KAT7: variants seen among roughly 807,000 people sequenced by gnomAD.
The protein encoded by KAT7 is lysine acetyltransferase 7.
A neutral mutation model predicts 82.1 loss-of-function variants in KAT7; 10 were observed. That is an observed-to-expected ratio of 0.12 (90% CI 0.08 to 0.21). The LOEUF (loss-of-function observed/expected upper bound fraction) is 0.21. KAT7 is among the 10% of genes least tolerant of loss of function. The pLI is 1.00. For synonymous variants in KAT7, 250 were observed against 262.5 expected (o/e 0.95, Z 0.46); for missense variants, 378 against 760.9 (o/e 0.50, Z 5.92).
intron 7 of KAT7, among the ~76,000 whole-genome samples, chr17:49,812,777 C>T (rs538175944): frequency 1.3e-5 from 2 of 152,182 alleles, no homozygotes; most frequent in Non-Finnish European, 2.9e-5. Context: ...GATCTTGGCT[C>T]ACTGTAACCT....
chr17:49,801,404 T>G (rs2074023121), intron 4 of KAT7, among the ~76,000 whole-genome samples: 1 of 152,200 alleles, frequency 6.6e-6, no homozygotes, highest in Non-Finnish European at 1.5e-5. Flanking sequence ...TAGGCTGGTC[T>G]CAAACTCTTG....
chr17:49,802,039 T>C (rs944849123), intron 4 of KAT7, among the ~76,000 whole-genome samples: 14 of 152,138 alleles, frequency 9.2e-5, no homozygotes, highest in African/African-American at 3.1e-4. Flanking sequence ...AAACGGAAAA[T>C]AGGATACATT....
chr17:49,798,970 T>C (rs1334216959), intron 4 of KAT7, among the ~76,000 whole-genome samples: 1 of 152,232 alleles, frequency 6.6e-6, no homozygotes, highest in East Asian at 1.9e-4. Flanking sequence ...AAACATTTCC[T>C]GTCAAGAGGC....
intron 13 of KAT7, chr17:49,826,377 C>A: frequency 2.0e-6 from 1 of 510,406 alleles, no homozygotes; most frequent in Non-Finnish European, 3.5e-6. Flanking sequence ...AGTCAAGAAG[C>A]AAAACTTCAG....
chr17:49,822,536 C>T (rs1815081589), intron 11 of KAT7, among the ~76,000 whole-genome samples: 1 of 152,106 alleles, frequency 6.6e-6, no homozygotes. Flanking sequence ...CGGCCTAAGT[C>T]ATAAAAGTTT....
rs2074452054 is a variant in KAT7 at position 49,835,014 on chromosome 17, AAAAT to A, written c.*7516_*7519del. 1 of 152,200 alleles carries A rather than the reference AAAAT, an allele frequency of 6.6e-6. No homozygotes were observed. The highest frequency in any genetic ancestry group is 1.5e-5 in the Non-Finnish European group (1 of 68,042). 9.4% of individuals were successfully genotyped at this position (152,200 alleles called of 1,614,324 possible). A position where few individuals can be genotyped will look rare whatever the true frequency, so the allele number is the denominator to read the frequency against. On this transcript the variant is annotated 3_prime_UTR_variant, in exon 15 of 15. Transcript: ENST00000259021. ...GCAAGACCCTGTCTCAAAAAATAAA[AAAAT>A]AAAGATAATACCAGTATGTTTCTTG... is the stretch of plus-strand genomic sequence containing the variant.
Position 49,830,439 on chromosome 17 carries a change from C to T in KAT7, c.*2937C>T, listed in dbSNP as rs943608644. The T allele has an allele frequency of 1.3e-4, 19 of 150,218 alleles. No homozygotes were observed. The highest frequency in any genetic ancestry group is 4.4e-4 in the African/African-American group (18 of 40,728). 9.3% of individuals were successfully genotyped at this position (150,218 alleles called of 1,614,324 possible). A position where few individuals can be genotyped will look rare whatever the true frequency, so the allele number is the denominator to read the frequency against. Reference sequence around the variant, plus strand: ...CTTGACCTCAAGTGATCACCCGCCTCATCCTCCCAAAGTGCTGGGATTACA... The same window carrying T: ...CTTGACCTCAAGTGATCACCCGCCTTATCCTCCCAAAGTGCTGGGATTACA... On this transcript the variant is annotated 3_prime_UTR_variant, in exon 15 of 15. Coordinates refer to ENST00000259021, the MANE Select transcript of KAT7 (RefSeq NM_007067.5).
At chr17:49,823,812 A>G (rs1309156913) in intron 12 of KAT7, among the ~76,000 whole-genome samples, 1 of 152,228 alleles carries the variant, frequency 6.6e-6, no homozygotes, top group Non-Finnish European at 1.5e-5. Flanking sequence ...GCAAAAAGTA[A>G]GAGTCATGGA....
intron 2 of KAT7, chr17:49,795,564 A>T (rs2073945543): frequency 8.3e-6 from 2 of 240,328 alleles, no homozygotes; most frequent in Non-Finnish European, 1.8e-5. Context: ...GCTCCAACCA[A>T]GTGAATAAGT....
At chr17:49,807,919 T>G (rs1018817782) in intron 5 of KAT7, among the ~76,000 whole-genome samples, 1 of 152,062 alleles carries the variant, frequency 6.6e-6, no homozygotes, top group Admixed American at 6.6e-5. Context: ...TGGGAAGATT[T>G]GGGGTAGAGC....
chr17:49,809,447 T>G (rs2074134334), intron 6 of KAT7, among the ~76,000 whole-genome samples: 1 of 152,206 alleles, frequency 6.6e-6, no homozygotes, highest in Non-Finnish European at 1.5e-5. Flanking sequence ...GTAGTAGTAG[T>G]AGATAATTCT....
Position 49,823,351 on chromosome 17 carries a change from T to C in KAT7, c.1480+56T>C, listed in dbSNP as rs967158493. On this transcript the variant is annotated intron_variant, in intron 12 of 14. Transcript: ENST00000259021. ...CAAGGCAGGGACCATGTGAATATTG[T>C]TTGTCTTTTTGTCCTGTGGTCTCTG... is the stretch of plus-strand genomic sequence containing the variant. 14 of 936,070 alleles carry C rather than the reference T, an allele frequency of 1.5e-5. No homozygotes were observed. The African/African-American group carries it at 2.3e-4, about 15-fold the overall frequency. The allele number at this position is 936,070 out of a possible 1,614,324, so 58.0% of individuals were successfully genotyped here.
Position 49,792,036 on chromosome 17 carries a change from A to G in KAT7, c.163+3A>G. 4.3e-6 allele frequency: 7 copies of G among 1,612,720 alleles called. No homozygotes were observed. The South Asian group carries it at 4.4e-5, about 10-fold the overall frequency. ...CAGGCTAAGCCAGAGTTCTCAAGGT[A>G]AAAAAACCTTCATTTTTCCTTACCA... On this transcript the variant is annotated splice_donor_region_variant and intron_variant, in intron 2 of 14. Coordinates refer to ENST00000259021, the MANE Select transcript of KAT7 (RefSeq NM_007067.5).
chr17:49,832,760 A>G lies in KAT7; in HGVS notation c.*5258A>G, dbSNP rs576166228. On this transcript the variant is annotated 3_prime_UTR_variant, in exon 15 of 15. Transcript: ENST00000259021. ...TTGTGTCTCACAGGTGCACATATGTACAGCATATCAAAGTGTTGAATGTCA... is the reference window on the plus strand; with the variant it reads ...TTGTGTCTCACAGGTGCACATATGTGCAGCATATCAAAGTGTTGAATGTCA... The G allele has an allele frequency of 1.1e-4, 17 of 152,350 alleles. No homozygotes were observed. The highest frequency in any genetic ancestry group is 4.1e-4 in the African/African-American group (17 of 41,568). The allele number at this position is 152,350 out of a possible 1,614,324, so 9.4% of individuals were successfully genotyped here.
At chr17:49,793,439 C>T (rs1795010086) in intron 2 of KAT7, among the ~76,000 whole-genome samples, 1 of 152,142 alleles carries the variant, frequency 6.6e-6, no homozygotes, top group Admixed American at 6.5e-5. Flanking sequence ...ACCCTCCTGG[C>T]TCTGCTCTGG....
chr17:49,826,665 C>T (rs767796064), intron 13 of KAT7, 28 bp from the exon 14 acceptor site: 1 of 1,535,356 alleles, frequency 6.5e-7, no homozygotes, highest in Non-Finnish European at 9.0e-7. Flanking sequence ...GCACTTTGGC[C>T]AGGTTGTCAG....
chr17:49,827,140 C>T (rs888696697), intron 14 of KAT7: 2 of 473,050 alleles, frequency 4.2e-6, no homozygotes, highest in African/African-American at 2.0e-5. Flanking sequence ...TCAACTCAAA[C>T]TCACATCTAA....
chr17:49,819,563 A>G (rs2074276603), intron 9 of KAT7, among the ~76,000 whole-genome samples: 1 of 152,244 alleles, frequency 6.6e-6, no homozygotes, highest in South Asian at 2.1e-4. Flanking sequence ...AGAAATAGTA[A>G]TAGAAGGAGA....
At chr17:49,789,168 G>A in intron 1 of KAT7, 1 of 255,162 alleles carries the variant, frequency 3.9e-6, no homozygotes, top group South Asian at 1.2e-4. Context: ...CCCCGCGTGC[G>A]GGGGCGGTGT....
Sources: allele counts gnomAD v4.1 joint callset (sites outside exome capture counted in the v4.1 genomes callset), GRCh38; gene constraint gnomAD v4.1.1; transcripts MANE v1.5; gene names NCBI Gene and HGNC (gene_info 2026-07-23, HGNC 2026-07-21).